ALG9: variants seen among roughly 807,000 people sequenced by gnomAD.
The protein encoded by ALG9 is ALG9 alpha-1,2-mannosyltransferase, also known as alpha-1,2-mannosyltransferase ALG9.
In ALG9, 55 loss-of-function variants were observed where a neutral mutation model predicts 81.8. The observed-to-expected ratio is 0.67, with a 90% confidence interval of 0.54 to 0.84. ALG9 has a LOEUF of 0.84. Among genes scored for constraint, ALG9 ranks in the 40% least tolerant of loss-of-function variants. ALG9 has a pLI of 0.00. For synonymous variants in ALG9, 278 were observed against 274.3 expected, an observed-to-expected ratio of 1.01 and a Z score of -0.13; for missense variants, 629 against 745.0, an observed-to-expected ratio of 0.84 and a Z score of 1.81.
chr11:111,803,913 A>C (rs185016051), intron 14 of ALG9, among the ~76,000 whole-genome samples: 108 of 152,194 alleles, frequency 7.1e-4, no homozygotes, highest in Non-Finnish European at 1.3e-3. Flanking sequence ...CGGGTGGATC[A>C]CTTGCGGTCA....
chr11:111,857,412 C>T (rs782097243), intron 6 of ALG9, among the ~76,000 whole-genome samples, 190 bp downstream of exon 6: 6 of 152,180 alleles, frequency 3.9e-5, no homozygotes, highest in Non-Finnish European at 7.3e-5. Flanking sequence ...AGCAGATGCT[C>T]AATGGTCATT....
intron 14 of ALG9, among the ~76,000 whole-genome samples, chr11:111,809,423 G>T (rs1042957487): frequency 6.6e-6 from 1 of 152,030 alleles, no homozygotes; most frequent in Non-Finnish European, 1.5e-5. Flanking sequence ...CCAGCTACTT[G>T]GGAGGCTGAG....
At chr11:111,814,305 G>T (rs915594875) in intron 13 of ALG9, among the ~76,000 whole-genome samples, 1 of 151,984 alleles carries the variant, frequency 6.6e-6, no homozygotes, top group Non-Finnish European at 1.5e-5. Context: ...AGTCATTTAG[G>T]GACACATGTA....
At chr11:111,856,851 A>T (rs1958775033) in intron 6 of ALG9, among the ~76,000 whole-genome samples, 1 of 152,196 alleles carries the variant, frequency 6.6e-6, no homozygotes, top group African/African-American at 2.4e-5. Context: ...TCATGCCTGT[A>T]ATCCCAGCAC....
chr11:111,781,657 T>G (rs1945945573), downstream of ALG9, among the ~76,000 whole-genome samples: 1 of 150,850 alleles, frequency 6.6e-6, no homozygotes, highest in South Asian at 2.1e-4. Flanking sequence ...TTTTTATTAT[T>G]TTTTTTTTAG....
At chr11:111,769,310 C>CA in the ALG9 span, 1,911 of 69,712 alleles carry the variant, frequency 0.027, 33 homozygotes, top group Middle Eastern at 0.12. Flanking sequence ...GACCCTGTCT[C>CA]AAAAAAAAAA....
chr11:111,871,207 T>G (rs533090746), intron 1 of ALG9, 145 bp downstream of exon 1: 1 of 1,307,562 alleles, frequency 7.6e-7, no homozygotes, highest in East Asian at 3.2e-5. Context: ...GGAAGACCAA[T>G]AGGACCTAGC....
chr11:111,844,190 A>G (rs1248442882), intron 9 of ALG9, among the ~76,000 whole-genome samples: 1 of 152,098 alleles, frequency 6.6e-6, no homozygotes, highest in Non-Finnish European at 1.5e-5. Context: ...TTTTTAGTAG[A>G]GATGGGGTTT....
chr11:111,836,229 G>A lies in ALG9; in HGVS notation c.1538C>T (p.Pro513Leu), dbSNP rs185149177. The A allele has an allele frequency of 3.4e-3, 5,437 of 1,614,054 alleles. 18 individuals are homozygous for A. Among genetic ancestry groups the A allele is most frequent in the South Asian group, 6.7e-3 (612 of 91,072 alleles). Reference sequence around the variant, plus strand: ...AGTAGGAACAATCCGGGTGGCCAGAGGTCCTTCTGCAAAAGGTTTTGGTAA... The same window carrying A: ...AGTAGGAACAATCCGGGTGGCCAGAAGTCCTTCTGCAAAAGGTTTTGGTAA... Reference protein sequence around the residue: ...GQLPKPFAEGPLATRIVPTDM... With the variant: ...GQLPKPFAEGLLATRIVPTDM... The change falls in exon 13 of 15, where the codon CCT becomes CTT. Residue 513 changes from proline (P) to leucine (L), a missense_variant. Physicochemically the swap from Pro to Leu is moderately conservative, Grantham distance 98. Coordinates refer to ENST00000616540, the MANE Select transcript of ALG9 (RefSeq NM_024740.2).
chr11:111,835,258 TA>T (rs1955042240), intron 13 of ALG9, among the ~76,000 whole-genome samples: 2 of 152,258 alleles, frequency 1.3e-5, no homozygotes, highest in African/African-American at 4.8e-5. Flanking sequence ...ACAACGATCT[TA>T]CACTGTCTTT....
intron 14 of ALG9, among the ~76,000 whole-genome samples, chr11:111,797,049 A>G (rs2136277641): frequency 6.6e-6 from 1 of 152,318 alleles, no homozygotes; most frequent in South Asian, 2.1e-4. Flanking sequence ...CACCTTTAAA[A>G]AGAAAAGTTT....
chr11:111,771,968 C>A, the ALG9 span, among the ~76,000 whole-genome samples: 1 of 152,096 alleles, frequency 6.6e-6, no homozygotes, highest in Non-Finnish European at 1.5e-5. Flanking sequence ...ACCTGATGTC[C>A]CAATAAATCA....
chr11:111,799,303 C>T (rs1485142893), intron 14 of ALG9, among the ~76,000 whole-genome samples: 1 of 152,156 alleles, frequency 6.6e-6, no homozygotes, highest in Non-Finnish European at 1.5e-5. Context: ...TGCACCACCA[C>T]GCCCAGCTAA....
At chr11:111,799,038 A>G (rs11214004) in intron 14 of ALG9, among the ~76,000 whole-genome samples, 8,083 of 152,328 alleles carry the variant, frequency 0.053, 706 homozygotes, top group African/African-American at 0.18. Flanking sequence ...GCTTCTTCAT[A>G]CATTCACAGA....
rs1264955220 is a variant in ALG9, at chr11:111,838,345, G to A, written c.1228C>T (p.Leu410=). ...TTCGATGTCACAGTATAGTGCTCCA[G>A]GCGATATCGTTGAAACACAAAGTGG... ...CYHFVFQRYR[L]EHYTVTSNWL... Residue 410 remains leucine (L), a synonymous_variant, in exon 11 of 15, where the codon CTG becomes TTG. Coordinates refer to ENST00000616540, the MANE Select transcript of ALG9 (RefSeq NM_024740.2). The A allele has an allele frequency of 1.2e-6, 2 of 1,613,694 alleles. No individual in the cohort carries two copies. The highest frequency in any genetic ancestry group is 1.7e-6 in the Non-Finnish European group (2 of 1,179,738).
chr11:111,776,440 G>C, the ALG9 span, among the ~76,000 whole-genome samples: 3 of 151,882 alleles, frequency 2.0e-5, no homozygotes, highest in Non-Finnish European at 2.9e-5. Flanking sequence ...AAATACAAAA[G>C]TTAGCCAGGC....
In ALG9 at chr11:111,837,472, C is replaced by CAGGAAGA; in HGVS notation, c.1461_1467dup (p.Asp490SerfsTer3). The CAGGAAGA allele has an allele frequency of 6.2e-7, 1 of 1,614,096 alleles. No individual in the cohort carries two copies. Among genetic ancestry groups the CAGGAAGA allele is most frequent in the Non-Finnish European group, 8.5e-7 (1 of 1,180,036 alleles). On this transcript the variant is annotated frameshift_variant, in exon 12 of 15. Coordinates refer to ENST00000616540, the MANE Select transcript of ALG9 (RefSeq NM_024740.2). LOFTEE classifies it high-confidence loss of function. ...AGGAATTAAAGGACAACTTACTTGT[C>CAGGAAGA]AGGAAGAAGGAAGCTGCTGGGAAAT...
chr11:111,859,273 G>A (rs1555145864), intron 5 of ALG9, among the ~76,000 whole-genome samples: 1 of 152,140 alleles, frequency 6.6e-6, no homozygotes, highest in Non-Finnish European at 1.5e-5. Context: ...GGAGACTGAG[G>A]CGGGTGGATC....
chr11:111,778,340 T>A (rs557601441), downstream of ALG9: 24 of 152,330 alleles, frequency 1.6e-4, no homozygotes, highest in African/African-American at 5.8e-4. Flanking sequence ...TCATTCATTC[T>A]TTTTTTCCAG....
Sources: allele counts gnomAD v4.1 joint callset (sites outside exome capture counted in the v4.1 genomes callset), GRCh38; gene constraint gnomAD v4.1.1; transcripts MANE v1.5; gene names NCBI Gene and HGNC (gene_info 2026-07-23, HGNC 2026-07-21).